Variants in RALGAPA2 observed in about 807,000 individuals in gnomAD.
The protein encoded by RALGAPA2 is ral GTPase-activating protein subunit alpha-2.
In RALGAPA2, 139 loss-of-function variants were observed where a neutral mutation model predicts 230.4. The observed-to-expected ratio is 0.60, with a 90% CI of 0.53 to 0.69. The LOEUF (loss-of-function observed/expected upper bound fraction) is 0.69, where lower values mean the gene tolerates loss of function less well. Among genes scored for constraint, RALGAPA2 ranks in the 30% least tolerant of loss-of-function variants. The pLI, the probability that RALGAPA2 is intolerant of heterozygous loss-of-function variation, is 0.00. For missense variants in RALGAPA2, 2,163 were observed against 2,276.0 expected, an observed-to-expected ratio of 0.95 and a Z score of 1.01; for synonymous variants, 847 against 837.8, an observed-to-expected ratio of 1.01 and a Z score of -0.19.
intron 3 of RALGAPA2, among the ~76,000 whole-genome samples, chr20:20,674,733 C>T (rs1568737674): frequency 1.3e-5 from 2 of 152,112 alleles, no homozygotes; most frequent in South Asian, 2.1e-4. Context: ...AAAAGCATGT[C>T]GAAGGTGATT....
chr20:20,510,609 G>C (rs1482528697), intron 33 of RALGAPA2, among the ~76,000 whole-genome samples: 1 of 151,644 alleles, frequency 6.6e-6, no homozygotes, highest in Non-Finnish European at 1.5e-5. Flanking sequence ...CATCTGTTAT[G>C]TACCAAGTCC....
Position 20,392,260 on chromosome 20 carries a change from ATT to A in RALGAPA2, c.*1027_*1028del, listed in dbSNP as rs1432473413. On this transcript the variant is annotated 3_prime_UTR_variant, in exon 40 of 40. Transcript: ENST00000202677. ...GAGCCAAATGGGCAAAAATGTAAGG[ATT>A]AAATCCCTCGCTTGGAATCGGCTAC... 1.8e-4 allele frequency: 28 copies of A among 152,270 alleles called. No individual in the cohort carries two copies. Among genetic ancestry groups the A allele is most frequent in the African/African-American group, 6.5e-4 (27 of 41,472 alleles). The allele number at this position is 152,270 out of a possible 1,614,324, so 9.4% of individuals were successfully genotyped here. A position where few individuals can be genotyped will look rare whatever the true frequency, so the allele number is the denominator to read the frequency against.
chr20:20,484,105 T>C (rs774197040), intron 36 of RALGAPA2, among the ~76,000 whole-genome samples: 1 of 152,182 alleles, frequency 6.6e-6, no homozygotes, highest in Non-Finnish European at 1.5e-5. Flanking sequence ...TAAGAGGGTG[T>C]GTTTGTACTT....
At chr20:20,496,953 C>A (rs1411119778) in intron 35 of RALGAPA2, among the ~76,000 whole-genome samples, 1 of 152,212 alleles carries the variant, frequency 6.6e-6, no homozygotes, top group Admixed American at 6.5e-5. Flanking sequence ...AATGTGGGCT[C>A]TGGGACAAAT....
chr20:20,534,321 T>C (rs1468382430), intron 26 of RALGAPA2, among the ~76,000 whole-genome samples: 1 of 151,948 alleles, frequency 6.6e-6, no homozygotes, highest in Non-Finnish European at 1.5e-5. Context: ...GGCAGGCGCC[T>C]GTAGTCCCAG....
intron 36 of RALGAPA2, among the ~76,000 whole-genome samples, chr20:20,487,797 A>G (rs1296007200): frequency 2.0e-5 from 3 of 152,028 alleles, no homozygotes; most frequent in Non-Finnish European, 4.4e-5. Context: ...CTTTAGTCCC[A>G]GCTACTCAGG....
At chr20:20,651,142 G>T (rs2067382096) in intron 4 of RALGAPA2, among the ~76,000 whole-genome samples, 1 of 152,192 alleles carries the variant, frequency 6.6e-6, no homozygotes, top group African/African-American at 2.4e-5. Flanking sequence ...TTGTCTTGAT[G>T]TTCTAATTTA....
At chr20:20,610,082 C>T (rs1023600398) in intron 14 of RALGAPA2, among the ~76,000 whole-genome samples, 6 of 152,030 alleles carry the variant, frequency 3.9e-5, no homozygotes, top group African/African-American at 1.5e-4. Flanking sequence ...GTCACTTTTA[C>T]CTACATGTCC....
At chr20:20,604,210 C>G (rs1187197394) in intron 15 of RALGAPA2, among the ~76,000 whole-genome samples, 1 of 152,194 alleles carries the variant, frequency 6.6e-6, no homozygotes. Context: ...TTTCTATGAG[C>G]TGCCTCAAAT....
At chr20:20,633,069 TTCTC>T (rs921679765) in intron 9 of RALGAPA2, among the ~76,000 whole-genome samples, 96 of 151,456 alleles carry the variant, frequency 6.3e-4, no homozygotes, top group African/African-American at 2.3e-3. Flanking sequence ...TCTTTTCTCT[TTCTC>T]TTTCTTTCCT....
rs2059585877 is a variant in RALGAPA2, at chr20:20,390,467, G to T, written c.*2822C>A. On this transcript the variant is annotated 3_prime_UTR_variant, in exon 40 of 40. Coordinates refer to ENST00000202677, the MANE Select transcript of RALGAPA2 (RefSeq NM_020343.4). ...TGCTCTGGATGGAATCTGGGAATAGGTGTGCAGAGAAGTGAGGGAACTGGC... is the reference window on the plus strand; with the variant it reads ...TGCTCTGGATGGAATCTGGGAATAGTTGTGCAGAGAAGTGAGGGAACTGGC... 6.6e-6 allele frequency: 1 copy of T among 152,166 alleles called. No individual in the cohort carries two copies. The highest frequency in any genetic ancestry group is 1.5e-5 in the Non-Finnish European group (1 of 68,032). 9.4% of individuals were successfully genotyped at this position (152,166 alleles called of 1,614,324 possible).
At chr20:20,604,331 T>G (rs2065751496) in intron 15 of RALGAPA2, among the ~76,000 whole-genome samples, 1 of 152,238 alleles carries the variant, frequency 6.6e-6, no homozygotes, top group Non-Finnish European at 1.5e-5. Context: ...AAACTACCAC[T>G]GATGTTTTCT....
At chr20:20,417,135 C>T (rs1042801529) in intron 37 of RALGAPA2, among the ~76,000 whole-genome samples, 3 of 152,128 alleles carry the variant, frequency 2.0e-5, no homozygotes, top group Admixed American at 6.6e-5. Context: ...AAAGTTCTGG[C>T]GCCCCCGAGT....
chr20:20,596,153 C>T (rs1186712681), intron 16 of RALGAPA2, among the ~76,000 whole-genome samples: 1 of 152,128 alleles, frequency 6.6e-6, no homozygotes, highest in Non-Finnish European at 1.5e-5. Context: ...GTCACTTCTT[C>T]CTCCCAGAAT....
intron 10 of RALGAPA2, 129 bp from the exon 11 acceptor site, chr20:20,620,759 T>C: frequency 5.7e-6 from 4 of 705,542 alleles, no homozygotes; most frequent in East Asian, 2.9e-5. Context: ...ATAAATATAC[T>C]ACACAGGGCC....
At chr20:20,548,623 T>A (rs1026981297) in intron 23 of RALGAPA2, among the ~76,000 whole-genome samples, 10 of 152,202 alleles carry the variant, frequency 6.6e-5, no homozygotes, top group African/African-American at 2.4e-4. Context: ...CCTGCTTTAA[T>A]CACGTCCTTT....
chr20:20,619,428 T>G lies in RALGAPA2; in HGVS notation c.1402-14A>C. The G allele has an allele frequency of 1.3e-6, 2 of 1,586,958 alleles. No individual in the cohort carries two copies. Among genetic ancestry groups the G allele is most frequent in the Non-Finnish European group, 1.7e-6 (2 of 1,163,878 alleles). ...TTCAGATGAGGCCTTCAGAAGATAA[T>G]GATCCATTAACAGAGTGGAAGATGC... On this transcript the variant is annotated splice_polypyrimidine_tract_variant and intron_variant, in intron 11 of 39. Coordinates refer to ENST00000202677, the MANE Select transcript of RALGAPA2 (RefSeq NM_020343.4).
chr20:20,654,763 G>T (rs1344819990), intron 3 of RALGAPA2, among the ~76,000 whole-genome samples: 8 of 152,184 alleles, frequency 5.3e-5, no homozygotes, highest in Non-Finnish European at 1.2e-4. Context: ...AAAGCCAGAA[G>T]TGGGATTGCT....
At chr20:20,520,151 T>C (rs2062992569) in intron 31 of RALGAPA2, among the ~76,000 whole-genome samples, 1 of 152,190 alleles carries the variant, frequency 6.6e-6, no homozygotes, top group African/African-American at 2.4e-5. Flanking sequence ...ACATCTTGCA[T>C]ACCTATAGGA....
Sources: allele counts gnomAD v4.1 joint callset (sites outside exome capture counted in the v4.1 genomes callset), GRCh38; gene constraint gnomAD v4.1.1; transcripts MANE v1.5; gene names NCBI Gene and HGNC (gene_info 2026-07-23, HGNC 2026-07-21).